Variants in CDH4 observed in about 807,000 individuals in gnomAD.
CDH4 encodes the protein cadherin 4.
In CDH4, 33 loss-of-function variants were observed where a neutral mutation model predicts 86.0. The observed-to-expected ratio is 0.38, with a 90% CI of 0.29 to 0.51. The LOEUF (loss-of-function observed/expected upper bound fraction) is 0.51, where lower values mean the gene tolerates loss of function less well. Among genes scored for constraint, CDH4 ranks in the 20% least tolerant of loss-of-function variants. The pLI is 0.86. For missense variants in CDH4, 1,114 were observed against 1,307.4 expected (o/e 0.85, Z 2.28); for synonymous variants, 555 against 549.4 (o/e 1.01, Z -0.14).
intron 4 of CDH4, among the ~76,000 whole-genome samples, chr20:61,801,397 G>C (rs1050570586): frequency 6.6e-6 from 1 of 152,194 alleles, no homozygotes; most frequent in African/African-American, 2.4e-5. Flanking sequence ...TCAGAGTTCT[G>C]AGACGTCATC....
At chr20:61,456,797 CATT>C (rs2085409224) in intron 2 of CDH4, among the ~76,000 whole-genome samples, 1 of 152,096 alleles carries the variant, frequency 6.6e-6, no homozygotes, top group South Asian at 2.1e-4. Context: ...TTGGATGTGT[CATT>C]AGTATGATTA....
intron 2 of CDH4, among the ~76,000 whole-genome samples, chr20:61,351,884 T>C (rs1266435362): frequency 6.6e-6 from 1 of 151,982 alleles, no homozygotes; most frequent in Non-Finnish European, 1.5e-5. Context: ...ACCAGGCTAA[T>C]TTTTGTATTT....
chr20:61,920,970 GGTGATTGCGTGGAAGTGTGGTGTC>G (rs1340168431), intron 9 of CDH4, among the ~76,000 whole-genome samples: 5 of 146,296 alleles, frequency 3.4e-5, no homozygotes, highest in Non-Finnish European at 7.5e-5. Context: ...AGCATGTCAT[GGTGATTGCGTGGAAGTGTGGTGTC>G]GTGATTGCAT....
chr20:61,869,693 G>A (rs1299902401), intron 6 of CDH4, among the ~76,000 whole-genome samples: 1 of 152,194 alleles, frequency 6.6e-6, no homozygotes, highest in Non-Finnish European at 1.5e-5. Flanking sequence ...CTTTTCCCCA[G>A]GTCCCCAAGC....
chr20:61,919,913 T>TGTGTGG (rs1568887497), intron 9 of CDH4, among the ~76,000 whole-genome samples: 3 of 124,272 alleles, frequency 2.4e-5, no homozygotes, highest in Non-Finnish European at 5.2e-5. Flanking sequence ...GTATCGTGAT[T>TGTGTGG]ATGTGGAAGC....
intron 15 of CDH4, among the ~76,000 whole-genome samples, chr20:61,935,331 G>A (rs774326954): frequency 6.6e-6 from 1 of 152,222 alleles, no homozygotes; most frequent in Non-Finnish European, 1.5e-5. Context: ...TGGTGTTCTG[G>A]GCCACAGATG....
chr20:61,326,107 T>C (rs1333625282), intron 2 of CDH4, among the ~76,000 whole-genome samples: 3 of 152,194 alleles, frequency 2.0e-5, no homozygotes, highest in African/African-American at 7.2e-5. Context: ...AAGGGACAAA[T>C]AGAGTGGAGG....
rs551224868 is a variant in CDH4 at position 61,710,132 on chromosome 20, C to T, written c.170-33431C>T. On this transcript the variant is annotated intron_variant, in intron 2 of 15. Transcript: ENST00000614565. ...CTCAAAGCCCTGCCGGGCGGGTCTG[C>T]ATAGCCCTAGGCACTATCACCCCCA... Among the ~76,000 whole-genome samples, 5 of 152,262 alleles carry T rather than the reference C, an allele frequency of 3.3e-5. No individual in the cohort carries two copies. The East Asian group carries it at 9.7e-4, about 29-fold the overall frequency.
intron 15 of CDH4, among the ~76,000 whole-genome samples, chr20:61,934,457 G>A (rs1600793975): frequency 6.6e-6 from 1 of 152,212 alleles, no homozygotes; most frequent in African/African-American, 2.4e-5. Context: ...CTAGGCGAAG[G>A]ATCAACACAC....
intron 2 of CDH4, among the ~76,000 whole-genome samples, chr20:61,688,565 CACTGG>C (rs1688224689): frequency 6.6e-6 from 1 of 152,240 alleles, no homozygotes; most frequent in Non-Finnish European, 1.5e-5. Context: ...CTTCCGGAAG[CACTGG>C]GACACAGGCT....
In CDH4 at chr20:61,708,156, C is replaced by G. The variant is rs1005677809; in HGVS notation, c.170-35407C>G. Among the ~76,000 whole-genome samples the G allele has an allele frequency of 2.0e-4, 30 of 152,286 alleles. No individual in the cohort carries two copies. Among genetic ancestry groups the G allele is most frequent in the African/African-American group, 6.5e-4 (27 of 41,552 alleles). Reference sequence around the variant, plus strand: ...CCAGCACAGCAGTGGTTTCAGGCAACAGCCCGGGAGGAAAACCTAGGAAGA... The same window carrying G: ...CCAGCACAGCAGTGGTTTCAGGCAAGAGCCCGGGAGGAAAACCTAGGAAGA... On this transcript the variant is annotated intron_variant, in intron 2 of 15. Transcript: ENST00000614565. The surrounding 1 kb of genome is among the most constrained non-coding windows in gnomAD (Gnocchi z 4.5).
At chr20:61,550,749 T>C (rs577427550) in intron 2 of CDH4, among the ~76,000 whole-genome samples, 183 of 152,342 alleles carry the variant, frequency 1.2e-3, no homozygotes, top group Non-Finnish European at 1.8e-3. Context: ...TGGTGGTGTC[T>C]GTGCTCTTGT....
chr20:61,789,451 G>T (rs939215114), intron 4 of CDH4, among the ~76,000 whole-genome samples: 2 of 152,208 alleles, frequency 1.3e-5, no homozygotes, highest in Non-Finnish European at 2.9e-5. Flanking sequence ...TGCCTGGGCT[G>T]GCACCCACGG....
At chr20:61,463,920 CACACTGAGCAGA>C (rs1224334608) in intron 2 of CDH4, among the ~76,000 whole-genome samples, 2 of 152,118 alleles carry the variant, frequency 1.3e-5, no homozygotes, top group African/African-American at 4.8e-5. Context: ...CAAGTGTAGT[CACACTGAGCAGA>C]ACATTGAGGC....
chr20:61,859,125 C>T (rs879040412), intron 6 of CDH4, among the ~76,000 whole-genome samples: 14 of 151,880 alleles, frequency 9.2e-5, no homozygotes, highest in East Asian at 3.9e-4. Context: ...GGTGGCCCCT[C>T]GTGGTTTTAA....
chr20:61,857,011 C>T (rs983176580), intron 6 of CDH4, among the ~76,000 whole-genome samples: 5 of 152,222 alleles, frequency 3.3e-5, no homozygotes, highest in African/African-American at 1.2e-4. Flanking sequence ...CCTTGGAGGC[C>T]AAAAGCTTGT....
chr20:61,632,464 A>G (rs2427205), intron 2 of CDH4, among the ~76,000 whole-genome samples: 92,422 of 151,474 alleles, frequency 0.61, 28,510 homozygotes, highest in East Asian at 0.72. Context: ...GGATGGAAGC[A>G]TCGTTAACGC....
Position 61,879,878 on chromosome 20 carries a change from G to A in CDH4, c.1050+5978G>A, listed in dbSNP as rs554887715. 9.2e-5 allele frequency among the ~76,000 whole-genome samples: 14 copies of A among 152,180 alleles called. No individual in the cohort carries two copies. The highest frequency in any genetic ancestry group is 7.2e-4 in the Admixed American group (11 of 15,288). Reference sequence around the variant, plus strand: ...TATTAGAAACTGAATCCGGCCTTCCGGTCCTATCACAAGAGGACTATCACC... The same window carrying A: ...TATTAGAAACTGAATCCGGCCTTCCAGTCCTATCACAAGAGGACTATCACC... On this transcript the variant is annotated intron_variant, in intron 7 of 15. Coordinates refer to ENST00000614565, the MANE Select transcript of CDH4 (RefSeq NM_001794.5). The surrounding 1 kb of genome is among the most constrained non-coding windows in gnomAD (Gnocchi z 4.1).
chr20:61,926,538 C>T (rs1048724144), intron 11 of CDH4, among the ~76,000 whole-genome samples: 1 of 152,180 alleles, frequency 6.6e-6, no homozygotes, highest in Non-Finnish European at 1.5e-5. Flanking sequence ...CCTTGAGGGT[C>T]CCCTGCCGCA....
Sources: allele counts gnomAD v4.1 joint callset (sites outside exome capture counted in the v4.1 genomes callset), GRCh38; gene constraint gnomAD v4.1.1; non-coding constraint Gnocchi (gnomAD v3.1); transcripts MANE v1.5; gene names NCBI Gene and HGNC (gene_info 2026-07-23, HGNC 2026-07-21).